Variants in CSE1L observed in about 807,000 individuals in gnomAD.
The protein encoded by CSE1L is exportin-2.
CSE1L carries 24 observed loss-of-function variants against 120.4 expected under a neutral mutation model. The ratio of observed to expected loss-of-function variants is 0.20; its 90% CI spans 0.14 to 0.28. The LOEUF is 0.28. CSE1L is among the 10% of genes least tolerant of loss of function. The pLI, the probability that CSE1L is intolerant of heterozygous loss-of-function variation, is 1.00. For missense variants in CSE1L, 830 were observed against 1,145.2 expected (o/e 0.72, Z 3.97); for synonymous variants, 402 against 398.3 (o/e 1.01, Z -0.11).
At chr20:49,046,813 T>C (rs1299524572) in intron 1 of CSE1L, among the ~76,000 whole-genome samples, 4 of 152,238 alleles carry the variant, frequency 2.6e-5, no homozygotes, top group Admixed American at 6.5e-5. Flanking sequence ...ATGTCCATTC[T>C]CTGCGACGGT....
At chr20:49,079,076 A>G (rs1264559311) in intron 14 of CSE1L, among the ~76,000 whole-genome samples, 1 of 152,072 alleles carries the variant, frequency 6.6e-6, no homozygotes, top group Non-Finnish European at 1.5e-5. Context: ...TATTTTCAGT[A>G]GATCCGGGGT....
intron 16 of CSE1L, 87 bp downstream of exon 16, chr20:49,085,473 A>G (rs995601814): frequency 1.2e-6 from 1 of 858,578 alleles, no homozygotes; most frequent in East Asian, 2.5e-5. Flanking sequence ...CAGGTTATAC[A>G]GTCTATGAAC....
intron 22 of CSE1L, among the ~76,000 whole-genome samples, chr20:49,093,038 T>C (rs1440101806): frequency 2.6e-5 from 4 of 152,190 alleles, no homozygotes; most frequent in Non-Finnish European, 5.9e-5. Flanking sequence ...AAAACAATTA[T>C]AACGATAAGA....
chr20:49,064,714 T>G (rs2091877737), intron 3 of CSE1L, among the ~76,000 whole-genome samples: 1 of 151,948 alleles, frequency 6.6e-6, no homozygotes, highest in South Asian at 2.1e-4. Context: ...CACTGTCTTT[T>G]AAATCTCAGA....
At chr20:49,050,312 G>C (rs911453082) in intron 1 of CSE1L, among the ~76,000 whole-genome samples, 1 of 150,798 alleles carries the variant, frequency 6.6e-6, no homozygotes, top group East Asian at 1.9e-4. Context: ...TAGACCTCCC[G>C]GGCTCAAGCA....
At position 49,067,031 on chromosome 20, in the gene CSE1L, CAAAAAAAAAA is replaced by C. The variant is rs60161542; in HGVS notation, c.477-143_477-134del. 1.3e-3 allele frequency among the ~76,000 whole-genome samples: 134 copies of C among 100,786 alleles called. 3 individuals carry two copies. The highest frequency in any genetic ancestry group is 6.7e-3 in the East Asian group (26 of 3,900). The allele number at this position is 100,786 out of a possible 152,430, so 66.1% of individuals were successfully genotyped here. A position where few individuals can be genotyped will look rare whatever the true frequency, so the allele number is the denominator to read the frequency against. On this transcript the variant is annotated intron_variant, in intron 5 of 24. Transcript: ENST00000262982. ...TGGGCGACAGAGCGAGACTCCGTCT[CAAAAAAAAAA>C]AAAAAAAAAAAAAAAGAATTCCCTT...
At position 49,078,638 on chromosome 20, in the gene CSE1L, T is replaced by A. The variant is rs200841788; in HGVS notation, c.1482+16T>A. The A allele has an allele frequency of 3.6e-4, 546 of 1,511,208 alleles. No individual in the cohort carries two copies. The highest frequency in any genetic ancestry group is 4.8e-4 in the Non-Finnish European group (528 of 1,107,454). The allele number at this position is 1,511,208 out of a possible 1,614,324, so 93.6% of individuals were successfully genotyped here. A position where few individuals can be genotyped will look rare whatever the true frequency, so the allele number is the denominator to read the frequency against. ...TAGAAATCAAGTAAGTAGCTTTTTATTTGTTACACGCCACTTAATCTCTTT... is the reference window on the plus strand; with the variant it reads ...TAGAAATCAAGTAAGTAGCTTTTTAATTGTTACACGCCACTTAATCTCTTT... On this transcript the variant is annotated intron_variant, in intron 14 of 24. Coordinates refer to ENST00000262982, the MANE Select transcript of CSE1L (RefSeq NM_001316.4).
rs1481345601 is a variant in CSE1L, at chr20:49,090,744, T to A, written c.2184T>A (p.Pro728=). The change falls in exon 20 of 25, where the codon CCT becomes CCA. Residue 728 remains proline (P), a splice_region_variant and synonymous_variant. Coordinates refer to ENST00000262982, the MANE Select transcript of CSE1L (RefSeq NM_001316.4). ...TIASAAADKI[P]GLLGVFQKLI... is the part of the protein sequence containing the mutation. The stretch of plus-strand genomic sequence containing the variant: ...TGTTGGATCTCATTTCTTAACAGCC[T>A]GGGTTACTAGGTGTCTTTCAGAAGC... The A allele has an allele frequency of 6.2e-7, 1 of 1,613,174 alleles. No homozygotes were observed.
At chr20:49,080,466 T>G (rs1000122289) in intron 14 of CSE1L, among the ~76,000 whole-genome samples, 2 of 152,140 alleles carry the variant, frequency 1.3e-5, no homozygotes, top group African/African-American at 2.4e-5. Context: ...TTAAATAGCA[T>G]TTTAAAAATT....
At position 49,074,816 on chromosome 20, in the gene CSE1L, T is replaced by C. The variant is rs757306582; in HGVS notation, c.1098T>C (p.Ser366=). ...AADEEAFEDN[S]EEYIRRDLEG... is the part of the protein sequence containing the mutation. ...ATGAAGAAGCATTTGAAGATAATTCTGAGGAGTACATAAGGAGAGATTTGG... is the reference window on the plus strand; with the variant it reads ...ATGAAGAAGCATTTGAAGATAATTCCGAGGAGTACATAAGGAGAGATTTGG... The change falls in exon 11 of 25, where the codon TCT becomes TCC. Residue 366 remains serine (S), a synonymous_variant. Coordinates refer to ENST00000262982, the MANE Select transcript of CSE1L (RefSeq NM_001316.4). 1 of 1,613,098 alleles carries C rather than the reference T, an allele frequency of 6.2e-7. No homozygotes were observed. The highest frequency in any genetic ancestry group is 2.2e-5 in the East Asian group (1 of 44,760).
At position 49,096,259 on chromosome 20, in the gene CSE1L, A is replaced by G. The variant is rs2092139595; in HGVS notation, c.2827-90A>G. On this transcript the variant is annotated intron_variant, in intron 24 of 24. Transcript: ENST00000262982. ...AATGACTTGACTGGCTGCTCTTCCC[A>G]GAGCTGTGGCAGCTCTCCCGTAGAA... 4.8e-6 allele frequency: 5 copies of G among 1,033,098 alleles called. No individual in the cohort carries two copies. The Admixed American group carries it at 8.9e-5, about 18-fold the overall frequency. 64.0% of individuals were successfully genotyped at this position (1,033,098 alleles called of 1,614,324 possible).
intron 1 of CSE1L, among the ~76,000 whole-genome samples, chr20:49,047,564 CTTTTTTTTTTTTTTTTTTT>C (rs59986218): frequency 1.1e-4 from 8 of 69,928 alleles, no homozygotes; most frequent in African/African-American, 6.2e-4. Flanking sequence ...TTTCTCTTTT[CTTTTTTTTTTTTTTTTTTT>C]TTTTTTTTTG....
intron 1 of CSE1L, among the ~76,000 whole-genome samples, chr20:49,054,243 G>A (rs1020698246): frequency 6.6e-6 from 1 of 152,182 alleles, no homozygotes; most frequent in African/African-American, 2.4e-5. Context: ...TTCTAATTAA[G>A]GGGAAGGACT....
At chr20:49,063,170 C>G (rs1354253119) in intron 2 of CSE1L, 32 bp from the exon 3 acceptor site, 1 of 1,436,308 alleles carries the variant, frequency 7.0e-7, no homozygotes, top group Non-Finnish European at 9.4e-7. Context: ...AGATTTTTAT[C>G]TTAGTCTTTT....
rs577663851 is a variant in CSE1L, at chr20:49,063,411, T to C, written c.228+67T>C. On this transcript the variant is annotated intron_variant, in intron 3 of 24. Transcript: ENST00000262982. The stretch of plus-strand genomic sequence containing the variant: ...TATAAGGTTTATATAAGCAGTGTTC[T>C]TCAAAGATAAGGCACGTGCTTGTAG... 5.4e-6 allele frequency: 6 copies of C among 1,103,638 alleles called. No homozygotes were observed. In the South Asian group the frequency reaches 1.2e-4, roughly 21 times the overall value. The allele number at this position is 1,103,638 out of a possible 1,614,324, so 68.4% of individuals were successfully genotyped here.
At chr20:49,089,852 G>A in intron 19 of CSE1L, 106 bp downstream of exon 19, 1 of 1,086,462 alleles carries the variant, frequency 9.2e-7, no homozygotes, top group Non-Finnish European at 1.3e-6. Context: ...AAGGCTGGGG[G>A]CAGTGGCTCA....
At position 49,094,799 on chromosome 20, in the gene CSE1L, G is replaced by A. The variant is rs1407457537; in HGVS notation, c.2662G>A (p.Glu888Lys). ...CGAAGATGATACCATTCCTGATGAG[G>A]AACATTTTATTGACATAGAAGATAC... ...LPEDDTIPDE[E>K]HFIDIEDTPG... The change falls in exon 24 of 25, where the codon GAA (glutamate) becomes AAA (lysine). Residue 888 changes from glutamate to lysine, a missense_variant. Glu to Lys is a moderately conservative substitution (Grantham distance 56, BLOSUM62 1). This residue lies in a region of CSE1L where 112 missense variants were observed against 200.0 expected (regional missense o/e 0.56). Coordinates refer to ENST00000262982, the MANE Select transcript of CSE1L (RefSeq NM_001316.4). The A allele has an allele frequency of 6.2e-7, 1 of 1,613,854 alleles. No individual in the cohort carries two copies.
At chr20:49,078,422 A>C in intron 13 of CSE1L, 139 bp from the exon 14 acceptor site, 1 of 577,172 alleles carries the variant, frequency 1.7e-6, no homozygotes, top group Non-Finnish European at 2.9e-6. Flanking sequence ...TTAATGACTA[A>C]ATAGTAAATC....
chr20:49,081,245 G>A (rs905310366), intron 14 of CSE1L, among the ~76,000 whole-genome samples: 1 of 151,780 alleles, frequency 6.6e-6, no homozygotes, highest in South Asian at 2.1e-4. Context: ...CTCGGTCTCC[G>A]AAAGTGCTGG....
Sources: allele counts gnomAD v4.1 joint callset (sites outside exome capture counted in the v4.1 genomes callset), GRCh38; gene constraint gnomAD v4.1.1; regional missense constraint gnomAD v4.1.1; transcripts MANE v1.5; gene names NCBI Gene and HGNC (gene_info 2026-07-23, HGNC 2026-07-21).